IMMP2L: variants seen among roughly 807,000 people sequenced by gnomAD.
IMMP2L encodes mitochondrial inner membrane protease subunit 2.
Under a neutral mutation model 19.3 loss-of-function variants are expected in IMMP2L, and 18 were observed. The ratio of observed to expected loss-of-function variants is 0.93; its 90% CI spans 0.64 to 1.38. The LOEUF (loss-of-function observed/expected upper bound fraction) is 1.38. Ranked by LOEUF, IMMP2L falls within the 40% of genes most tolerant of loss-of-function variation. IMMP2L has a pLI of 0.00. For synonymous variants in IMMP2L, 76 were observed against 73.0 expected, an observed-to-expected ratio of 1.04 and a Z score of -0.21; for missense variants, 233 against 218.2, an observed-to-expected ratio of 1.07 and a Z score of -0.43.
chr7:110,689,137 T>G (rs1309432828), intron 5 of IMMP2L, among the ~76,000 whole-genome samples: 2 of 152,182 alleles, frequency 1.3e-5, no homozygotes, highest in African/African-American at 4.8e-5. Flanking sequence ...CTCCGCATTC[T>G]GTGGTTCAAA....
chr7:110,750,709 A>G (rs1797664274), intron 5 of IMMP2L, among the ~76,000 whole-genome samples: 1 of 152,068 alleles, frequency 6.6e-6, no homozygotes, highest in African/African-American at 2.4e-5. Flanking sequence ...TGCTGAGATT[A>G]CTGTTAATGC....
chr7:111,510,100 A>G (rs979657989), intron 2 of IMMP2L, among the ~76,000 whole-genome samples: 2 of 152,196 alleles, frequency 1.3e-5, no homozygotes, highest in African/African-American at 4.8e-5. Flanking sequence ...TGACAGAATT[A>G]AAGAAAGTTA....
intron 5 of IMMP2L, among the ~76,000 whole-genome samples, chr7:110,848,825 C>T (rs1011198355): frequency 5.9e-5 from 9 of 152,054 alleles, no homozygotes; most frequent in African/African-American, 9.6e-5. Context: ...ACATACTATA[C>T]GATTTCAAAT....
intron 3 of IMMP2L, among the ~76,000 whole-genome samples, chr7:111,417,874 G>A (rs1369899354): frequency 6.6e-6 from 1 of 151,762 alleles, no homozygotes; most frequent in African/African-American, 2.4e-5. Context: ...CAGACACTGC[G>A]TTTGCAAAGC....
intron 3 of IMMP2L, among the ~76,000 whole-genome samples, chr7:111,367,366 A>C (rs1041246409): frequency 2.0e-5 from 3 of 151,902 alleles, no homozygotes; most frequent in Non-Finnish European, 2.9e-5. Context: ...AACAATCATT[A>C]ATTTGTTTTT....
intron 3 of IMMP2L, among the ~76,000 whole-genome samples, chr7:111,484,164 G>A (rs141377238): frequency 6.7e-4 from 102 of 152,202 alleles, no homozygotes; most frequent in African/African-American, 2.2e-3. Context: ...CACCTTTTAT[G>A]TTTTAAGTAA....
intron 5 of IMMP2L, among the ~76,000 whole-genome samples, chr7:110,851,056 T>C (rs538598839): frequency 3.7e-4 from 56 of 152,242 alleles, no homozygotes; most frequent in African/African-American, 1.2e-3. Context: ...TGGCAGTAAT[T>C]AGGACGTTGA....
At chr7:111,072,914 A>T (rs999058556) in intron 3 of IMMP2L, among the ~76,000 whole-genome samples, 20 of 152,116 alleles carry the variant, frequency 1.3e-4, no homozygotes, top group Non-Finnish European at 2.5e-4. Flanking sequence ...AAAAAAAAAA[A>T]AAAAGGAGTC....
At chr7:111,450,789 A>C (rs2131903781) in intron 3 of IMMP2L, among the ~76,000 whole-genome samples, 1 of 151,418 alleles carries the variant, frequency 6.6e-6, no homozygotes, top group Non-Finnish European at 1.5e-5. Flanking sequence ...AACATGGGAG[A>C]AAATTTTCAC....
intron 3 of IMMP2L, among the ~76,000 whole-genome samples, chr7:111,095,675 T>TC (rs1241673795): frequency 1.3e-5 from 2 of 152,020 alleles, no homozygotes; most frequent in African/African-American, 4.8e-5. Context: ...CTACAGAGAC[T>TC]CAGCTATTGA....
At chr7:110,822,917 G>T (rs557505621) in intron 5 of IMMP2L, among the ~76,000 whole-genome samples, 1 of 152,048 alleles carries the variant, frequency 6.6e-6, no homozygotes, top group Non-Finnish European at 1.5e-5. Flanking sequence ...ATTCAAGGCT[G>T]GGGCCCCAGT....
At chr7:111,492,446 T>G in intron 2 of IMMP2L, 1 of 953,568 alleles carries the variant, frequency 1.0e-6, no homozygotes. Context: ...TCAAGAATGT[T>G]TTTTCCCCAC....
intron 4 of IMMP2L, among the ~76,000 whole-genome samples, chr7:110,906,247 A>G (rs1410104348): frequency 6.6e-6 from 1 of 152,198 alleles, no homozygotes; most frequent in East Asian, 1.9e-4. Flanking sequence ...CATGTTTGGG[A>G]ATAATCACCA....
At chr7:110,928,055 G>C (rs1409525309) in intron 4 of IMMP2L, among the ~76,000 whole-genome samples, 1 of 151,728 alleles carries the variant, frequency 6.6e-6, no homozygotes, top group East Asian at 1.9e-4. Context: ...AAATAAATAA[G>C]ATTAGCTAAA....
intron 3 of IMMP2L, among the ~76,000 whole-genome samples, chr7:111,422,626 A>T (rs1835681133): frequency 6.6e-6 from 1 of 151,880 alleles, no homozygotes; most frequent in Non-Finnish European, 1.5e-5. Context: ...GGTTGAGACG[A>T]TAGTCTTTTC....
At chr7:110,862,817 T>TA (rs760965800) in intron 5 of IMMP2L, among the ~76,000 whole-genome samples, 1 of 152,070 alleles carries the variant, frequency 6.6e-6, no homozygotes, top group Non-Finnish European at 1.5e-5. Flanking sequence ...CCTTGGAAGA[T>TA]AAAGATATCT....
intron 3 of IMMP2L, among the ~76,000 whole-genome samples, chr7:111,174,700 G>T (rs189784105): frequency 1.3e-3 from 201 of 151,898 alleles, no homozygotes; most frequent in African/African-American, 4.4e-3. Context: ...GTCCCATAAA[G>T]CATGTGCATG....
At chr7:111,157,449 T>C (rs917971324) in intron 3 of IMMP2L, among the ~76,000 whole-genome samples, 13 of 152,110 alleles carry the variant, frequency 8.5e-5, no homozygotes, top group Admixed American at 2.6e-4. Flanking sequence ...CTGGAGGTCA[T>C]TATGTTAAGT....
chr7:111,320,268 C>T (rs1460136998), intron 3 of IMMP2L, among the ~76,000 whole-genome samples: 1 of 152,022 alleles, frequency 6.6e-6, no homozygotes, highest in Non-Finnish European at 1.5e-5. Context: ...ATGGCTTCAC[C>T]ACCATCCATC....
Sources: gnomAD v4.1 joint callset for allele counts (sites outside exome capture counted in the v4.1 genomes callset) on GRCh38, gnomAD v4.1.1 for gene constraint, MANE v1.5 for transcripts, NCBI Gene and HGNC (gene_info 2026-07-23, HGNC 2026-07-21) for gene names.